GATA4: variants seen among roughly 807,000 people sequenced by gnomAD.
GATA4 encodes the protein transcription factor GATA-4.
Under a neutral mutation model 37.9 loss-of-function variants are expected in GATA4, and 7 were observed. The ratio of observed to expected loss-of-function variants is 0.18; its 90% CI spans 0.11 to 0.35. The LOEUF (loss-of-function observed/expected upper bound fraction) is 0.35, where lower values mean the gene tolerates loss of function less well. GATA4 is among the 10% of genes least tolerant of loss of function. The pLI is 1.00. For missense variants in GATA4, 647 were observed against 653.0 expected (o/e 0.99, Z 0.10); for synonymous variants, 372 against 292.6 (o/e 1.27, Z -2.77).
chr8:11,680,317 C>A (rs1313167463), intron 1 of GATA4, among the ~76,000 whole-genome samples: 1 of 152,236 alleles, frequency 6.6e-6, no homozygotes, highest in Non-Finnish European at 1.5e-5. Flanking sequence ...AAGATCCCCG[C>A]GGACAGGCGC....
At chr8:11,729,183 A>G (rs574335199) in intron 2 of GATA4, among the ~76,000 whole-genome samples, 6 of 152,204 alleles carry the variant, frequency 3.9e-5, no homozygotes, top group Non-Finnish European at 8.8e-5. Flanking sequence ...TGATCGTGCC[A>G]CTGCACTCCA....
chr8:11,758,231 T>C, intron 6 of GATA4, 62 bp from the exon 7 acceptor site: 1 of 1,575,912 alleles, frequency 6.3e-7, no homozygotes, highest in South Asian at 1.1e-5. Flanking sequence ...CTCCCCAGCC[T>C]AGACCTCCCA....
chr8:11,740,739 G>A (rs937934268), intron 2 of GATA4, among the ~76,000 whole-genome samples: 3 of 146,846 alleles, frequency 2.0e-5, no homozygotes, highest in South Asian at 2.1e-4. Context: ...TTCCTTTTCC[G>A]TTTTTTTTTT....
At chr8:11,694,235 T>C (rs1206601805) in intron 1 of GATA4, among the ~76,000 whole-genome samples, 3 of 152,206 alleles carry the variant, frequency 2.0e-5, no homozygotes, top group African/African-American at 7.2e-5. Flanking sequence ...GCTTTGTGAA[T>C]TGTAGCTCTT....
rs1268134107 is a variant in GATA4, at chr8:11,758,607, C to G, written c.*132C>G. 3.4e-6 allele frequency: 3 copies of G among 875,876 alleles called. No homozygotes were observed. Among genetic ancestry groups the G allele is most frequent in the Non-Finnish European group, 5.6e-6 (3 of 533,784 alleles). The allele number at this position is 875,876 out of a possible 1,614,324, so 54.3% of individuals were successfully genotyped here. On this transcript the variant is annotated 3_prime_UTR_variant, in exon 7 of 7. Coordinates refer to ENST00000532059, the MANE Select transcript of GATA4 (RefSeq NM_001308093.3). Reference sequence around the variant, plus strand: ...CTCCAGAACAACAACTGGGAAGAAACTTGAAGTCGACAATCTGGTTAGGGG... The same window carrying G: ...CTCCAGAACAACAACTGGGAAGAAAGTTGAAGTCGACAATCTGGTTAGGGG...
chr8:11,697,908 G>A (rs957549029), intron 1 of GATA4: 115 of 985,372 alleles, frequency 1.2e-4, no homozygotes, highest in Non-Finnish European at 1.3e-4. Context: ...GATCTCTGGG[G>A]GACCCACCAG....
rs1444876142 is a variant in GATA4, at chr8:11,756,755, AG to A, written c.1001-175del. 10 of 302,810 alleles carry A rather than the reference AG, an allele frequency of 3.3e-5. No individual in the cohort carries two copies. In the Admixed American group the frequency reaches 5.0e-4, roughly 15 times the overall value. 18.8% of individuals were successfully genotyped at this position (302,810 alleles called of 1,614,324 possible). The stretch of plus-strand genomic sequence containing the variant: ...TGGCCTCAAGGGTTTGAGATGAGAT[AG>A]GGGGAAGAAGCCATCCCTGTGAGAA... On this transcript the variant is annotated intron_variant, in intron 5 of 6. Coordinates refer to ENST00000532059, the MANE Select transcript of GATA4 (RefSeq NM_001308093.3).
At chr8:11,727,600 T>C (rs555335644) in intron 2 of GATA4, among the ~76,000 whole-genome samples, 2 of 152,136 alleles carry the variant, frequency 1.3e-5, no homozygotes, top group African/African-American at 4.8e-5. Flanking sequence ...CCCAGCGCTT[T>C]GGGAGGCTGA....
upstream of GATA4, among the ~76,000 whole-genome samples, chr8:11,689,193 C>T (rs954513026): frequency 2.6e-5 from 4 of 152,182 alleles, no homozygotes; most frequent in East Asian, 1.9e-4. Context: ...AGGCCAGTAA[C>T]CACTTATTTC....
chr8:11,717,246 A>C (rs1420562246), intron 2 of GATA4, among the ~76,000 whole-genome samples: 1 of 152,218 alleles, frequency 6.6e-6, no homozygotes, highest in African/African-American at 2.4e-5. Context: ...AATAATCTTG[A>C]ATCTGTTTTA....
Position 11,741,548 on chromosome 8 carries a change from C to T in GATA4, c.617-7368C>T, listed in dbSNP as rs146464952. Among the ~76,000 whole-genome samples the T allele has an allele frequency of 8.3e-3, 1,256 of 152,236 alleles. 9 individuals are homozygous for T. The highest frequency in any genetic ancestry group is 0.031 in the South Asian group (150 of 4,818). On this transcript the variant is annotated intron_variant, in intron 2 of 6. Coordinates refer to ENST00000532059, the MANE Select transcript of GATA4 (RefSeq NM_001308093.3). The stretch of plus-strand genomic sequence containing the variant: ...AGTCCACAAGTTCGCGGACTTAGCT[C>T]TATGGCATTGTGATTGCAGAGGCTC...
rs543055266 is a variant in GATA4 at position 11,729,217 on chromosome 8, A to G, written c.617-19699A>G. ...CAGCCTGGGTGACAGAGCAAGAAAA[A>G]AAAGATCTAGCTGAGGGAGTTGGGA... On this transcript the variant is annotated intron_variant, in intron 2 of 6. Transcript: ENST00000532059. 2.1e-3 allele frequency among the ~76,000 whole-genome samples: 323 copies of G among 150,810 alleles called. 1 individual carries two copies. Among genetic ancestry groups the G allele is most frequent in the Middle Eastern group, 7.0e-3 (2 of 286 alleles).
chr8:11,684,612 G>T (rs146067244), intron 1 of GATA4, among the ~76,000 whole-genome samples: 1 of 152,176 alleles, frequency 6.6e-6, no homozygotes, highest in Non-Finnish European at 1.5e-5. Flanking sequence ...CTCACTGGCT[G>T]TGTTTTCTTG....
intron 2 of GATA4, among the ~76,000 whole-genome samples, chr8:11,743,428 G>T (rs931802810): frequency 1.3e-5 from 2 of 152,232 alleles, no homozygotes; most frequent in African/African-American, 2.4e-5. Context: ...CTCAACACCA[G>T]CTCTCCCCAG....
intron 2 of GATA4, among the ~76,000 whole-genome samples, chr8:11,742,794 C>T (rs1446058673): frequency 6.6e-6 from 1 of 152,258 alleles, no homozygotes; most frequent in East Asian, 1.9e-4. Context: ...GCGCCAGCCG[C>T]AGGGACAGAT....
rs140958667 is a variant in GATA4, at chr8:11,737,114, G to A, written c.617-11802G>A. Among the ~76,000 whole-genome samples, 81 of 152,064 alleles carry A rather than the reference G, an allele frequency of 5.3e-4. 1 individual carries two copies. In the East Asian group the frequency reaches 0.016, roughly 29 times the overall value. On this transcript the variant is annotated intron_variant, in intron 2 of 6. Coordinates refer to ENST00000532059, the MANE Select transcript of GATA4 (RefSeq NM_001308093.3). The stretch of plus-strand genomic sequence containing the variant: ...AAGATGTAAAGTGATGGCGATTGGA[G>A]CTTAACCTCGGTTTGATTAAGTAAT...
chr8:11,745,591 A>C (rs1801991366), intron 2 of GATA4, among the ~76,000 whole-genome samples: 1 of 152,022 alleles, frequency 6.6e-6, no homozygotes, highest in Non-Finnish European at 1.5e-5. Flanking sequence ...GTCTCACAAA[A>C]AGTTTTTCTT....
At position 11,749,118 on chromosome 8, in the gene GATA4, C is replaced by T; in HGVS notation, c.786+33C>T. 6.2e-7 allele frequency: 1 copy of T among 1,610,486 alleles called. No homozygotes were observed. Among genetic ancestry groups the T allele is most frequent in the East Asian group, 2.2e-5 (1 of 44,798 alleles). On this transcript the variant is annotated intron_variant, in intron 3 of 6. Transcript: ENST00000532059. The surrounding 1 kb of genome is among the most constrained non-coding windows in gnomAD (Gnocchi z 4.6). The stretch of plus-strand genomic sequence containing the variant: ...CGTGCCTCGCAGCCTCCTCTGGGCA[C>T]CTGGCTGCGGAGCTCTCGCCTTGGT...
In GATA4 at chr8:11,756,220, C is replaced by T. The variant is rs73541803; in HGVS notation, c.1001-715C>T. Among the ~76,000 whole-genome samples the T allele has an allele frequency of 5.2e-3, 793 of 152,166 alleles. 6 individuals are homozygous for T. Among genetic ancestry groups the T allele is most frequent in the African/African-American group, 0.018 (756 of 41,498 alleles). On this transcript the variant is annotated intron_variant, in intron 5 of 6. Transcript: ENST00000532059. ...GCATGACAGAGTCAGATAAATGGGC[C>T]CTTTCCACTACCAAGAACATGATCA...
Sources: gnomAD v4.1 joint callset for allele counts (sites outside exome capture counted in the v4.1 genomes callset) on GRCh38, gnomAD v4.1.1 for gene constraint, Gnocchi (gnomAD v3.1) non-coding constraint, MANE v1.5 for transcripts, NCBI Gene and HGNC (gene_info 2026-07-23, HGNC 2026-07-21) for gene names.